The following CEP89 variants were observed in gnomAD, a reference collection of about 807,000 sequenced individuals.
CEP89 encodes the protein centrosomal protein of 89 kDa.
Under a neutral mutation model 97.6 loss-of-function variants are expected in CEP89, and 95 were observed. That is an observed-to-expected ratio of 0.97 (90% confidence interval 0.82 to 1.15). CEP89 has a LOEUF of 1.15. CEP89 is among the 50% of genes most tolerant of loss of function. CEP89 has a pLI of 0.00. For synonymous variants in CEP89, 354 were observed against 349.1 expected, an observed-to-expected ratio of 1.01 and a Z score of -0.16; for missense variants, 869 against 947.7, an observed-to-expected ratio of 0.92 and a Z score of 1.09.
Position 32,923,433 on chromosome 19 carries a change from A to T in CEP89, c.1268+6T>A, listed in dbSNP as rs1380503151. 1.4e-6 allele frequency: 2 copies of T among 1,478,124 alleles called. No individual in the cohort carries two copies. Among genetic ancestry groups the T allele is most frequent in the Non-Finnish European group, 9.4e-7 (1 of 1,063,016 alleles). The allele number at this position is 1,478,124 out of a possible 1,614,324, so 91.6% of individuals were successfully genotyped here. On this transcript the variant is annotated splice_donor_region_variant and intron_variant, in intron 12 of 18. Transcript: ENST00000305768. Reference sequence around the variant, plus strand: ...AGCAAAAGAGCAGAAACACAATGCCACTTGCCATTCCTCACTGGTAACAGC... The same window carrying T: ...AGCAAAAGAGCAGAAACACAATGCCTCTTGCCATTCCTCACTGGTAACAGC...
chr19:32,892,159 C>T (rs1289695615), intron 16 of CEP89, among the ~76,000 whole-genome samples: 1 of 139,016 alleles, frequency 7.2e-6, no homozygotes, highest in Non-Finnish European at 1.5e-5. Flanking sequence ...TATATTTAGA[C>T]ATACATATAT....
At chr19:32,917,799 C>G (rs1970158903) in intron 13 of CEP89, 4 of 985,194 alleles carry the variant, frequency 4.1e-6, no homozygotes, top group Non-Finnish European at 4.8e-6. Context: ...TGTCGCCTCC[C>G]AGGCCCGCAG....
At chr19:32,884,274 G>A (rs181068501) in intron 17 of CEP89, among the ~76,000 whole-genome samples, 238 of 152,254 alleles carry the variant, frequency 1.6e-3, no homozygotes, top group African/African-American at 5.3e-3. Flanking sequence ...TGTGTTTGCA[G>A]AAATCTGGGT....
chr19:32,878,544 C>G lies in CEP89; in HGVS notation c.*618G>C, dbSNP rs1465633226. 2 of 152,270 alleles carry G rather than the reference C, an allele frequency of 1.3e-5. No individual in the cohort carries two copies. Among genetic ancestry groups the G allele is most frequent in the Admixed American group, 6.5e-5 (1 of 15,284 alleles). 9.4% of individuals were successfully genotyped at this position (152,270 alleles called of 1,614,324 possible). A position where few individuals can be genotyped will look rare whatever the true frequency, so the allele number is the denominator to read the frequency against. On this transcript the variant is annotated 3_prime_UTR_variant, in exon 19 of 19. Transcript: ENST00000305768. ...CACTTCCCAGCTGCAGATCTAGGAG[C>G]TGGAAGGCAGGCCTGCTCAGCAGGC...
chr19:32,955,250 C>A (rs1017515806), intron 3 of CEP89, among the ~76,000 whole-genome samples: 1 of 152,264 alleles, frequency 6.6e-6, no homozygotes, highest in Non-Finnish European at 1.5e-5. Flanking sequence ...GATCCACCCA[C>A]CTCAACCTCC....
chr19:32,959,655 C>T (rs1273178592), intron 3 of CEP89, among the ~76,000 whole-genome samples: 1 of 152,184 alleles, frequency 6.6e-6, no homozygotes, highest in Non-Finnish European at 1.5e-5. Flanking sequence ...CAAAATCTAA[C>T]AAGATCCACT....
intron 14 of CEP89, among the ~76,000 whole-genome samples, chr19:32,902,004 C>CTGTGTGTGTGTGTGTGTG (rs1455977169): frequency 0.016 from 1,571 of 99,938 alleles, 18 homozygotes; most frequent in East Asian, 0.047. Flanking sequence ...CTGTCTCTCT[C>CTGTGTGTGTGTGTGTGTG]TCTCTCTGTG....
At chr19:32,900,130 C>A in intron 15 of CEP89, 132 bp from the exon 16 acceptor site, 2 of 804,124 alleles carry the variant, frequency 2.5e-6, no homozygotes, top group Non-Finnish European at 2.0e-6. Flanking sequence ...CCTAAATCTT[C>A]TATTAAGTTT....
At chr19:32,950,363 A>G (rs890977281) in intron 4 of CEP89, among the ~76,000 whole-genome samples, 1 of 152,162 alleles carries the variant, frequency 6.6e-6, no homozygotes, top group African/African-American at 2.4e-5. Context: ...GTTCAAGACC[A>G]GCCTGATCAA....
chr19:32,892,282 G>A (rs77577471), intron 16 of CEP89, among the ~76,000 whole-genome samples: 11,684 of 138,922 alleles, frequency 0.084, 772 homozygotes, highest in Middle Eastern at 0.14. Context: ...GACTAACAGC[G>A]TATTTCTTTC....
At chr19:32,927,082 A>G in intron 9 of CEP89, 98 bp from the exon 10 acceptor site, 1 of 1,101,838 alleles carries the variant, frequency 9.1e-7, no homozygotes, top group Non-Finnish European at 1.4e-6. Context: ...TTGCCCATCT[A>G]TGCATTTATC....
At chr19:32,896,845 A>C (rs1445105834) in intron 16 of CEP89, among the ~76,000 whole-genome samples, 1 of 152,138 alleles carries the variant, frequency 6.6e-6, no homozygotes, top group African/African-American at 2.4e-5. Context: ...AATCCCATTA[A>C]AAAGTGGGCA....
rs189488115 is a variant in CEP89 at position 32,888,935 on chromosome 19, G to T, written c.1876-1094C>A. ...AGAGATTCTCCTGCCTCAACCTCCTGGGTAGCTAGGACTACAGGCACGCGC... is the reference window on the plus strand; with the variant it reads ...AGAGATTCTCCTGCCTCAACCTCCTTGGTAGCTAGGACTACAGGCACGCGC... On this transcript the variant is annotated intron_variant, in intron 16 of 18. Coordinates refer to ENST00000305768, the MANE Select transcript of CEP89 (RefSeq NM_032816.5). Among the ~76,000 whole-genome samples the T allele has an allele frequency of 3.6e-4, 54 of 151,990 alleles. No homozygotes were observed. The East Asian group carries it at 8.4e-3, about 24-fold the overall frequency.
chr19:32,886,052 T>C (rs1385879108), intron 17 of CEP89, among the ~76,000 whole-genome samples: 1 of 152,120 alleles, frequency 6.6e-6, no homozygotes, highest in African/African-American at 2.4e-5. Context: ...CTTCCTGAGG[T>C]CCTGTGTCTG....
At chr19:32,947,537 C>G (rs1970822330) in intron 5 of CEP89, among the ~76,000 whole-genome samples, 1 of 152,102 alleles carries the variant, frequency 6.6e-6, no homozygotes, top group Non-Finnish European at 1.5e-5. Flanking sequence ...GTCACTCAGG[C>G]TGGGGTACAA....
chr19:32,881,979 TC>T lies in CEP89; in HGVS notation c.1999del (p.Asp667ThrfsTer31). 1.9e-6 allele frequency: 3 copies of T among 1,584,366 alleles called. No individual in the cohort carries two copies. The highest frequency in any genetic ancestry group is 8.6e-7 in the Non-Finnish European group (1 of 1,165,354). ...YKKQAALKLG[D>X]ISHRLLEQQE... The stretch of plus-strand genomic sequence containing the variant: ...CTGCTCCAGCAGACGGTGACTGATG[TC>T]CCCCAGCTTCAGTGCTGCCTGCTTC... On this transcript the variant is annotated frameshift_variant, in exon 18 of 19. Coordinates refer to ENST00000305768, the MANE Select transcript of CEP89 (RefSeq NM_032816.5). LOFTEE classifies it high-confidence loss of function.
In CEP89 at chr19:32,899,131, A is replaced by ATT. The variant is rs1555788862; in HGVS notation, c.1875+724_1875+725dup. Among the ~76,000 whole-genome samples the ATT allele has an allele frequency of 2.2e-3, 321 of 143,230 alleles. 5 individuals carry two copies. The East Asian group carries it at 0.036, about 16-fold the overall frequency. 94.0% of individuals were successfully genotyped at this position (143,230 alleles called of 152,430 possible). ...GTATCTCAAGACTGGTTTAATTAGC[A>ATT]TTTTTTTTTTTTTTTTAGGGACAGG... On this transcript the variant is annotated intron_variant, in intron 16 of 18. Coordinates refer to ENST00000305768, the MANE Select transcript of CEP89 (RefSeq NM_032816.5).
chr19:32,938,882 G>A (rs1324458527), intron 6 of CEP89, among the ~76,000 whole-genome samples: 3 of 152,012 alleles, frequency 2.0e-5, no homozygotes, highest in East Asian at 3.9e-4. Context: ...TCCAGGAGGC[G>A]GAGGTTGCAG....
At chr19:32,907,112 C>T (rs140991245) in intron 14 of CEP89, among the ~76,000 whole-genome samples, 27 of 152,328 alleles carry the variant, frequency 1.8e-4, no homozygotes, top group African/African-American at 4.6e-4. Context: ...ATAATCCCAT[C>T]GCTTTGGTAG....
Sources: allele counts gnomAD v4.1 joint callset (sites outside exome capture counted in the v4.1 genomes callset), GRCh38; gene constraint gnomAD v4.1.1; transcripts MANE v1.5; gene names NCBI Gene and HGNC (gene_info 2026-07-23, HGNC 2026-07-21).